The following CPSF6 variants were observed in gnomAD, a reference collection of about 807,000 sequenced individuals.
CPSF6 encodes cleavage and polyadenylation specificity factor subunit 6.
CPSF6 carries 10 observed loss-of-function variants against 56.7 expected under a neutral mutation model. The observed-to-expected ratio is 0.18, with a 90% confidence interval of 0.11 to 0.30. CPSF6 has a LOEUF of 0.30. Among genes scored for constraint, CPSF6 ranks in the 10% least tolerant of loss-of-function variants. The pLI is 1.00. For synonymous variants in CPSF6, 248 were observed against 244.8 expected (o/e 1.01, Z -0.12); for missense variants, 419 against 722.9 (o/e 0.58, Z 4.82).
Position 69,257,792 on chromosome 12 carries a change from G to A in CPSF6, c.581G>A (p.Arg194His), listed in dbSNP as rs759787272. The change falls in exon 5 of 10, where the codon CGT (arginine) becomes CAT (histidine). Residue 194 changes from arginine (R) to histidine (H), a missense_variant. By Grantham distance (29) the Arg-to-His change is conservative. This residue lies in a region of CPSF6 where 211 missense variants were observed against 296.0 expected (regional missense o/e 0.71). Transcript: ENST00000435070. ...GCTGGTCCTCCAGGAGGCAGTTCCCGTGCAGCATTTCCACAAGGTGGTAGA... is the reference window on the plus strand; with the variant it reads ...GCTGGTCCTCCAGGAGGCAGTTCCCATGCAGCATTTCCACAAGGTGGTAGA... Reference protein sequence around the residue: ...GKAGPPGGSSRAAFPQGGRGR... With the variant: ...GKAGPPGGSSHAAFPQGGRGR... 7.4e-6 allele frequency: 12 copies of A among 1,613,344 alleles called. No individual in the cohort carries two copies. Among genetic ancestry groups the A allele is most frequent in the Non-Finnish European group, 1.0e-5 (12 of 1,179,876 alleles).
chr12:69,246,252 A>G (rs1871899547), intron 1 of CPSF6, among the ~76,000 whole-genome samples: 1 of 152,210 alleles, frequency 6.6e-6, no homozygotes, highest in African/African-American at 2.4e-5. Context: ...ATTCTAGCCA[A>G]TTGTTGAGCC....
rs1456031538 is a variant in CPSF6, at chr12:69,251,070, G to A, written c.61-59G>A. Reference sequence around the variant, plus strand: ...AACAAAAAGTTGAATTTGTATTCAAGTCTATTTTAGTAGTATTTTGACTTT... The same window carrying A: ...AACAAAAAGTTGAATTTGTATTCAAATCTATTTTAGTAGTATTTTGACTTT... On this transcript the variant is annotated intron_variant, in intron 1 of 9. Coordinates refer to ENST00000435070, the MANE Select transcript of CPSF6 (RefSeq NM_007007.3). The A allele has an allele frequency of 2.7e-6, 4 of 1,491,130 alleles. No homozygotes were observed. The African/African-American group carries it at 5.6e-5, about 21-fold the overall frequency. 92.4% of individuals were successfully genotyped at this position (1,491,130 alleles called of 1,614,324 possible). A position where few individuals can be genotyped will look rare whatever the true frequency, so the allele number is the denominator to read the frequency against.
intron 8 of CPSF6, among the ~76,000 whole-genome samples, chr12:69,261,257 A>G (rs531490558): frequency 2.0e-5 from 3 of 152,092 alleles, no homozygotes; most frequent in African/African-American, 7.2e-5. Context: ...TGTCATAGAT[A>G]TAGTTATCTT....
intron 1 of CPSF6, among the ~76,000 whole-genome samples, chr12:69,242,575 A>G (rs1592790003): frequency 6.6e-6 from 1 of 152,276 alleles, no homozygotes; most frequent in South Asian, 2.1e-4. Context: ...GCTACTCCTT[A>G]TGGGTTCTCT....
chr12:69,263,973 C>G (rs1565650540), intron 9 of CPSF6, among the ~76,000 whole-genome samples: 1 of 151,912 alleles, frequency 6.6e-6, no homozygotes, highest in Non-Finnish European at 1.5e-5. Flanking sequence ...GGCAAAAAAA[C>G]CTTTTACTTT....
rs1433675879 is a variant in CPSF6 at position 69,262,449 on chromosome 12, C to T, written c.1546C>T (p.Arg516Cys). The change falls in exon 9 of 10, where the codon CGT (arginine) becomes TGT (cysteine). Residue 516 changes from arginine (R) to cysteine (C), a missense_variant. Arg to Cys is a radical substitution (Grantham distance 180). Around this residue, in one of 4 missense-constraint regions of CPSF6, gnomAD observed 81 missense variants for 193.6 expected, o/e 0.42. Transcript: ENST00000435070. Reference protein sequence around the residue: ...SRRHKSRSRDRHDDYYRERSR... With the variant: ...SRRHKSRSRDCHDDYYRERSR... Reference sequence around the variant, plus strand: ...ACGTCATAAATCCCGTAGTAGAGACCGTCATGACGATTATTACAGAGAGAG... The same window carrying T: ...ACGTCATAAATCCCGTAGTAGAGACTGTCATGACGATTATTACAGAGAGAG... 5 of 1,613,542 alleles carry T rather than the reference C, an allele frequency of 3.1e-6. No individual in the cohort carries two copies. Among genetic ancestry groups the T allele is most frequent in the African/African-American group, 1.3e-5 (1 of 74,858 alleles).
chr12:69,243,432 A>G (rs541105677), intron 1 of CPSF6, among the ~76,000 whole-genome samples: 1 of 152,296 alleles, frequency 6.6e-6, no homozygotes, highest in African/African-American at 2.4e-5. Flanking sequence ...GTCATTTGTG[A>G]TCATAGAGTG....
At chr12:69,249,936 A>G (rs1434851407) in intron 1 of CPSF6, among the ~76,000 whole-genome samples, 3 of 151,974 alleles carry the variant, frequency 2.0e-5, no homozygotes, top group Non-Finnish European at 4.4e-5. Flanking sequence ...GCTTTACTAT[A>G]CTCTTTTTGT....
intron 1 of CPSF6, among the ~76,000 whole-genome samples, chr12:69,248,564 C>T (rs1872036306): frequency 6.6e-6 from 1 of 152,216 alleles, no homozygotes; most frequent in Non-Finnish European, 1.5e-5. Context: ...AAAACTTACC[C>T]TCTTTTTTCC....
chr12:69,260,303 T>C (rs978812274), intron 8 of CPSF6, 106 bp downstream of exon 8: 14 of 865,892 alleles, frequency 1.6e-5, no homozygotes, highest in Admixed American at 1.4e-4. Context: ...TTACTGATTA[T>C]TTAGCAGCTG....
chr12:69,244,413 C>T (rs1012417745), intron 1 of CPSF6, among the ~76,000 whole-genome samples: 1 of 151,936 alleles, frequency 6.6e-6, no homozygotes, highest in African/African-American at 2.4e-5. Context: ...TAGTAAGAGA[C>T]GAGGTTTCAC....
At chr12:69,262,315 G>A in intron 8 of CPSF6, 58 bp from the exon 9 acceptor site, 1 of 1,438,244 alleles carries the variant, frequency 7.0e-7, no homozygotes, top group South Asian at 1.8e-5. Flanking sequence ...TCAAAAAATT[G>A]AATATTTTTA....
intron 1 of CPSF6, among the ~76,000 whole-genome samples, chr12:69,240,432 T>C (rs1463950958): frequency 1.3e-5 from 2 of 152,310 alleles, no homozygotes; most frequent in Admixed American, 1.3e-4. Flanking sequence ...GCCTCATTAA[T>C]CCAGGGCTTG....
intron 1 of CPSF6, among the ~76,000 whole-genome samples, chr12:69,244,899 C>T (rs1676726250): frequency 6.6e-6 from 1 of 151,864 alleles, no homozygotes; most frequent in Admixed American, 6.6e-5. Context: ...ACTGACTTGC[C>T]TGAGGCTGTT....
chr12:69,262,612 C>T, intron 9 of CPSF6, 50 bp downstream of exon 9: 1 of 1,545,236 alleles, frequency 6.5e-7, no homozygotes, highest in African/African-American at 1.4e-5. Flanking sequence ...TTAACAGTAA[C>T]TATAACTCCA....
At position 69,262,251 on chromosome 12, in the gene CPSF6, G is replaced by C; in HGVS notation, c.1470-122G>C. Reference sequence around the variant, plus strand: ...AAGTCGTTATTGGCAGCTCAGGATAGTAAGTTTAAACCAGATTTACAAAGA... The same window carrying C: ...AAGTCGTTATTGGCAGCTCAGGATACTAAGTTTAAACCAGATTTACAAAGA... On this transcript the variant is annotated intron_variant, in intron 8 of 9. Transcript: ENST00000435070. The C allele has an allele frequency of 2.4e-6, 3 of 1,242,090 alleles. No individual in the cohort carries two copies. In the East Asian group the frequency reaches 7.6e-5, roughly 32 times the overall value. The allele number at this position is 1,242,090 out of a possible 1,614,324, so 76.9% of individuals were successfully genotyped here. A position where few individuals can be genotyped will look rare whatever the true frequency, so the allele number is the denominator to read the frequency against.
intron 1 of CPSF6, among the ~76,000 whole-genome samples, chr12:69,249,012 C>T (rs12815331): frequency 0.065 from 9,837 of 151,676 alleles, 629 homozygotes; most frequent in South Asian, 0.29. Context: ...TTTGGGAGGC[C>T]GAGGCGGGCG....
At chr12:69,244,963 G>C (rs1175263109) in intron 1 of CPSF6, among the ~76,000 whole-genome samples, 2 of 151,982 alleles carry the variant, frequency 1.3e-5, no homozygotes, top group African/African-American at 4.8e-5. Flanking sequence ...ATGATTAAAA[G>C]TATGGTATAG....
At chr12:69,267,255 A>G (rs970522373) in intron 9 of CPSF6, among the ~76,000 whole-genome samples, 2 of 152,076 alleles carry the variant, frequency 1.3e-5, no homozygotes, top group Non-Finnish European at 2.9e-5. Flanking sequence ...ATGTGCATAG[A>G]TAAATTTCTA....
Sources: allele counts gnomAD v4.1 joint callset (sites outside exome capture counted in the v4.1 genomes callset), GRCh38; gene constraint gnomAD v4.1.1; regional missense constraint gnomAD v4.1.1; transcripts MANE v1.5; gene names NCBI Gene and HGNC (gene_info 2026-07-23, HGNC 2026-07-21).